Variants in MMP20 observed in about 807,000 individuals in gnomAD.
MMP20 encodes the protein matrix metalloproteinase-20.
MMP20 carries 50 observed loss-of-function variants against 51.8 expected under a neutral mutation model. The observed-to-expected ratio is 0.97, with a 90% confidence interval of 0.77 to 1.22. The LOEUF is 1.22. Among genes scored for constraint, MMP20 ranks in the 50% most tolerant of loss-of-function variants. The pLI is 0.00. For missense variants in MMP20, 663 were observed against 601.4 expected (o/e 1.10, Z -1.07); for synonymous variants, 244 against 216.2 (o/e 1.13, Z -1.13).
chr11:102,609,973 G>A lies in MMP20; in HGVS notation c.581C>T (p.Ala194Val), dbSNP rs746254031. ...ATCTCCTCCCAGGCCTTCTCCAGGA[G>A]CAAATGCATGGGCTAGAGTCCCCCG... is the stretch of plus-strand genomic sequence containing the variant. ...GPRGTLAHAFAPGEGLGGDTH... is the reference protein window; with the variant it reads ...GPRGTLAHAFVPGEGLGGDTH... Residue 194 changes from alanine to valine, a missense_variant, in exon 4 of 10, where the codon GCT becomes GTT. Physicochemically the swap from Ala to Val is moderately conservative, Grantham distance 64. Coordinates refer to ENST00000260228, the MANE Select transcript of MMP20 (RefSeq NM_004771.4). 3.1e-6 allele frequency: 5 copies of A among 1,614,038 alleles called. No individual in the cohort carries two copies. In the African/African-American group the frequency reaches 6.7e-5, roughly 22 times the overall value.
chr11:102,597,531 A>T (rs1285096680), intron 6 of MMP20, among the ~76,000 whole-genome samples: 1 of 152,194 alleles, frequency 6.6e-6, no homozygotes, highest in Non-Finnish European at 1.5e-5. Context: ...TGGTTGTCAC[A>T]GGTGGGGATG....
chr11:102,625,171 G>T, intron 1 of MMP20, 23 bp downstream of exon 1: 1 of 1,613,210 alleles, frequency 6.2e-7, no homozygotes, highest in African/African-American at 1.3e-5. Context: ...GAGCAAGAAG[G>T]AATTGGGCAA....
chr11:102,603,847 T>A (rs911805532), intron 6 of MMP20, among the ~76,000 whole-genome samples: 1 of 152,134 alleles, frequency 6.6e-6, no homozygotes, highest in African/African-American at 2.4e-5. Context: ...GCAGGCCATC[T>A]CTCCTGCGGT....
At chr11:102,595,827 C>A (rs1489529700) in intron 6 of MMP20, among the ~76,000 whole-genome samples, 2 of 152,158 alleles carry the variant, frequency 1.3e-5, no homozygotes, top group Non-Finnish European at 2.9e-5. Context: ...AGATGAAAAT[C>A]ATTTTTTATA....
Position 102,606,594 on chromosome 11 carries a change from G to A in MMP20, c.894C>T (p.Ser298=), listed in dbSNP as rs1859520330. ...TTGTCACAGCGTCAAAGGATGAGCT[G>A]GAGTCACAGAGGTCAGGGATGGATG... ...HKPSIPDLCD[S]SSSFDAVTML... The change falls in exon 6 of 10, where the codon TCC becomes TCT. Residue 298 remains serine (S), a synonymous_variant. Transcript: ENST00000260228. 6 of 1,614,104 alleles carry A rather than the reference G, an allele frequency of 3.7e-6. No homozygotes were observed. Among genetic ancestry groups the A allele is most frequent in the Non-Finnish European group, 5.1e-6 (6 of 1,179,976 alleles).
rs368819649 is a variant in MMP20, at chr11:102,624,793, C to T, written c.126+401G>A. On this transcript the variant is annotated intron_variant, in intron 1 of 9. Coordinates refer to ENST00000260228, the MANE Select transcript of MMP20 (RefSeq NM_004771.4). ...ACACAGGAAATCTCCTTGTTGTGAC[C>T]GCTAAAGCTTAGCACTAAATTCACA... Among the ~76,000 whole-genome samples the T allele has an allele frequency of 7.0e-4, 106 of 152,254 alleles. 2 individuals are homozygous for T. The South Asian group carries it at 0.021, about 31-fold the overall frequency.
At chr11:102,577,474 T>C (rs1591606057) in intron 9 of MMP20, 48 bp from the exon 10 acceptor site, 1 of 1,258,112 alleles carries the variant, frequency 7.9e-7, no homozygotes, top group Non-Finnish European at 1.2e-6. Context: ...GTCCAGCACA[T>C]ATATAAATGG....
Position 102,577,112 on chromosome 11 carries a change from A to G in MMP20, c.*214T>C, listed in dbSNP as rs534464042. On this transcript the variant is annotated 3_prime_UTR_variant, in exon 10 of 10. Coordinates refer to ENST00000260228, the MANE Select transcript of MMP20 (RefSeq NM_004771.4). ...CATTGTGTTGATTTGGATTTCGCAT[A>G]AAGTTGCCCATATAAAAACTTTTCT... The G allele has an allele frequency of 3.7e-6, 2 of 537,306 alleles. No individual in the cohort carries two copies. The highest frequency in any genetic ancestry group is 4.1e-5 in the South Asian group (2 of 48,638). 33.3% of individuals were successfully genotyped at this position (537,306 alleles called of 1,614,324 possible).
chr11:102,609,162 C>G lies in MMP20; in HGVS notation c.650-64G>C, dbSNP rs895079777. ...GGTTTTTGTTTTCTCCATCTTCCAT[C>G]TTTATAGTATAATTTATGCCCACAT... On this transcript the variant is annotated intron_variant, in intron 4 of 9. Transcript: ENST00000260228. The G allele has an allele frequency of 1.4e-4, 194 of 1,413,652 alleles. 1 individual carries two copies. Among genetic ancestry groups the G allele is most frequent in the Non-Finnish European group, 1.5e-5 (15 of 1,005,470 alleles). 87.6% of individuals were successfully genotyped at this position (1,413,652 alleles called of 1,614,324 possible). A position where few individuals can be genotyped will look rare whatever the true frequency, so the allele number is the denominator to read the frequency against.
At chr11:102,612,419 C>G (rs7115479) in intron 2 of MMP20, among the ~76,000 whole-genome samples, 135 of 152,120 alleles carry the variant, frequency 8.9e-4, no homozygotes, top group African/African-American at 2.9e-3. Flanking sequence ...GAGCCAAGAT[C>G]GGGCGACTGC....
At chr11:102,589,465 A>C (rs1565390690) in intron 8 of MMP20, among the ~76,000 whole-genome samples, 1 of 152,184 alleles carries the variant, frequency 6.6e-6, no homozygotes, top group Non-Finnish European at 1.5e-5. Context: ...CTCAACTGTA[A>C]GATCTGTTGA....
intron 8 of MMP20, among the ~76,000 whole-genome samples, chr11:102,579,679 C>T (rs1761294953): frequency 6.6e-6 from 1 of 152,152 alleles, no homozygotes; most frequent in Admixed American, 6.5e-5. Flanking sequence ...ACTATGCTCC[C>T]ATGTTCCTGA....
Position 102,609,170 on chromosome 11 carries a change from T to C in MMP20, c.650-72A>G, listed in dbSNP as rs565534210. 17 of 1,331,824 alleles carry C rather than the reference T, an allele frequency of 1.3e-5. No individual in the cohort carries two copies. The African/African-American group carries it at 2.0e-4, about 16-fold the overall frequency. 82.5% of individuals were successfully genotyped at this position (1,331,824 alleles called of 1,614,324 possible). A position where few individuals can be genotyped will look rare whatever the true frequency, so the allele number is the denominator to read the frequency against. On this transcript the variant is annotated intron_variant, in intron 4 of 9. Transcript: ENST00000260228. The stretch of plus-strand genomic sequence containing the variant: ...TTTTCTCCATCTTCCATCTTTATAG[T>C]ATAATTTATGCCCACATTACAGTTA...
rs779741427 is a variant in MMP20 at position 102,616,804 on chromosome 11, C to G, written c.374+8G>C. ...TTCTCTGAATTTGGAAAGACTTGAT[C>G]TCATTACCTGTATGTCAAAGTATTT... On this transcript the variant is annotated splice_region_variant and intron_variant, in intron 2 of 9. Coordinates refer to ENST00000260228, the MANE Select transcript of MMP20 (RefSeq NM_004771.4). 1.2e-6 allele frequency: 2 copies of G among 1,614,122 alleles called. No individual in the cohort carries two copies. The highest frequency in any genetic ancestry group is 1.7e-6 in the Non-Finnish European group (2 of 1,179,982).
chr11:102,577,101 G>A lies in MMP20; in HGVS notation c.*225C>T. 1 of 516,414 alleles carries A rather than the reference G, an allele frequency of 1.9e-6. No individual in the cohort carries two copies. Among genetic ancestry groups the A allele is most frequent in the South Asian group, 2.1e-5 (1 of 48,232 alleles). 32.0% of individuals were successfully genotyped at this position (516,414 alleles called of 1,614,324 possible). ...ACTGCAGAGTGCATTGTGTTGATTT[G>A]GATTTCGCATAAAGTTGCCCATATA... On this transcript the variant is annotated 3_prime_UTR_variant, in exon 10 of 10. Transcript: ENST00000260228.
chr11:102,579,253 C>T (rs772889523), intron 8 of MMP20, 111 bp from the exon 9 acceptor site: 70 of 710,630 alleles, frequency 9.9e-5, no homozygotes, highest in Middle Eastern at 3.7e-4. Flanking sequence ...GTGTTCCTCT[C>T]TCTCTCTGTT....
rs1477768259 is a variant in MMP20, at chr11:102,609,004, A to G, written c.744T>C (p.Tyr248=). ...TDPSALMYPT[Y]KYKNPYGFHL... ...GGAATCCATAGGGATTCTTGTACTT[A>G]TAAGTTGGGTACATCAGTGCTGATG... The change falls in exon 5 of 10, where the codon TAT becomes TAC. Residue 248 remains tyrosine, a synonymous_variant. Coordinates refer to ENST00000260228, the MANE Select transcript of MMP20 (RefSeq NM_004771.4). 1.9e-6 allele frequency: 3 copies of G among 1,614,114 alleles called. No homozygotes were observed. Among genetic ancestry groups the G allele is most frequent in the Admixed American group, 1.7e-5 (1 of 60,016 alleles).
At chr11:102,613,323 A>G (rs1399162358) in intron 2 of MMP20, among the ~76,000 whole-genome samples, 1 of 152,162 alleles carries the variant, frequency 6.6e-6, no homozygotes, top group African/African-American at 2.4e-5. Context: ...CAAAGTGAGA[A>G]GCTGTGTCTG....
In MMP20 at chr11:102,609,062, C is replaced by T. The variant is rs549925622; in HGVS notation, c.686G>A (p.Gly229Asp). 7 of 1,614,074 alleles carry T rather than the reference C, an allele frequency of 4.3e-6. No homozygotes were observed. In the East Asian group the frequency reaches 1.6e-4, roughly 36 times the overall value. ...GGAATGGGCCAGGCCCAGGGCATGGCCAAATTCATGAGCAGCAACGGTAAA... is the reference window on the plus strand; with the variant it reads ...GGAATGGGCCAGGCCCAGGGCATGGTCAAATTCATGAGCAGCAACGGTAAA... Reference protein sequence around the residue: ...NLFTVAAHEFGHALGLAHSTD... With the variant: ...NLFTVAAHEFDHALGLAHSTD... Residue 229 changes from glycine (G) to aspartate (D), a missense_variant, in exon 5 of 10, where the codon GGC becomes GAC. By Grantham distance (94) the Gly-to-Asp change is moderately conservative. Coordinates refer to ENST00000260228, the MANE Select transcript of MMP20 (RefSeq NM_004771.4).
Sources: allele counts gnomAD v4.1 joint callset (sites outside exome capture counted in the v4.1 genomes callset), GRCh38; gene constraint gnomAD v4.1.1; transcripts MANE v1.5; gene names NCBI Gene and HGNC (gene_info 2026-07-23, HGNC 2026-07-21).